Variants in CFAP20DC observed in about 807,000 individuals in gnomAD.
CFAP20DC encodes the protein CFAP20 domain containing, also known as protein CFAP20DC.
Under a neutral mutation model 101.7 loss-of-function variants are expected in CFAP20DC, and 84 were observed. The observed-to-expected ratio is 0.83, with a 90% CI of 0.69 to 0.99. CFAP20DC has a LOEUF of 0.99. Among genes scored for constraint, CFAP20DC ranks in the 50% least tolerant of loss-of-function variants. The pLI, the probability that CFAP20DC is intolerant of heterozygous loss-of-function variation, is 0.00. For synonymous variants in CFAP20DC, 359 were observed against 351.2 expected, an observed-to-expected ratio of 1.02 and a Z score of -0.25; for missense variants, 1,007 against 970.3, an observed-to-expected ratio of 1.04 and a Z score of -0.50.
rs1043913732 is a variant in CFAP20DC, at chr3:59,015,982, C to G, written c.278+23575G>C. Reference sequence around the variant, plus strand: ...GCTGGGACAAAATGCTGGGAAGAAGCCAGATCCTGGGTTCTGGCTACCTTG... The same window carrying G: ...GCTGGGACAAAATGCTGGGAAGAAGGCAGATCCTGGGTTCTGGCTACCTTG... On this transcript the variant is annotated intron_variant, in intron 4 of 16. Transcript: ENST00000482387. The surrounding 1 kb of genome is among the most constrained non-coding windows in gnomAD (Gnocchi z 5.4). Among the ~76,000 whole-genome samples, 4 of 152,064 alleles carry G rather than the reference C, an allele frequency of 2.6e-5. No individual in the cohort carries two copies. The highest frequency in any genetic ancestry group is 6.6e-5 in the Admixed American group (1 of 15,264).
chr3:58,867,978 G>T (rs2079835298), intron 9 of CFAP20DC, 42 bp from the exon 10 acceptor site: 2 of 1,547,376 alleles, frequency 1.3e-6, no homozygotes, highest in Admixed American at 4.1e-5. Flanking sequence ...AACAGAAAGT[G>T]CTATATGGCT....
chr3:58,815,139 G>A (rs1253750443), intron 14 of CFAP20DC, among the ~76,000 whole-genome samples: 3 of 150,484 alleles, frequency 2.0e-5, no homozygotes, highest in Non-Finnish European at 4.5e-5. Context: ...AAAACAGCAT[G>A]GTACTGGTAC....
chr3:58,952,393 G>A (rs1041748389), intron 4 of CFAP20DC, among the ~76,000 whole-genome samples: 11 of 152,242 alleles, frequency 7.2e-5, no homozygotes, highest in Non-Finnish European at 1.6e-4. Flanking sequence ...TCTCCACACT[G>A]TAGATGCCAC....
intron 14 of CFAP20DC, among the ~76,000 whole-genome samples, chr3:58,809,764 G>A (rs2074445031): frequency 6.6e-6 from 1 of 152,096 alleles, no homozygotes; most frequent in South Asian, 2.1e-4. Flanking sequence ...GAATCCAGGA[G>A]CTGGTTTTTT....
In CFAP20DC at chr3:58,882,617, C is replaced by T. The variant is rs112444619; in HGVS notation, c.715+1928G>A. The stretch of plus-strand genomic sequence containing the variant: ...ATCTTCCATTCAGATTGAATTGTGA[C>T]CCAAAGTGTTTACAGTAGCTGTCTG... On this transcript the variant is annotated intron_variant, in intron 7 of 16. Coordinates refer to ENST00000482387, the MANE Select transcript of CFAP20DC (RefSeq NM_001394063.1). The surrounding 1 kb of genome is among the most constrained non-coding windows in gnomAD (Gnocchi z 4.2). Among the ~76,000 whole-genome samples, 1 of 152,070 alleles carries T rather than the reference C, an allele frequency of 6.6e-6. No homozygotes were observed.
At chr3:58,888,723 G>A (rs1168030472) in intron 6 of CFAP20DC, among the ~76,000 whole-genome samples, 1 of 152,214 alleles carries the variant, frequency 6.6e-6, no homozygotes, top group Non-Finnish European at 1.5e-5. Context: ...CCCTGCAAAG[G>A]ACAAGATCTG....
chr3:58,901,391 T>A (rs137963092), intron 6 of CFAP20DC, among the ~76,000 whole-genome samples: 121 of 152,342 alleles, frequency 7.9e-4, no homozygotes, highest in African/African-American at 2.8e-3. Flanking sequence ...CACCACTTAT[T>A]AGCTGTGTGA....
At chr3:58,773,148 C>T (rs1193899377) in intron 15 of CFAP20DC, among the ~76,000 whole-genome samples, 11 of 151,458 alleles carry the variant, frequency 7.3e-5, no homozygotes, top group Non-Finnish European at 1.6e-4. Flanking sequence ...GCTTATGAAA[C>T]ATAGGTGTTA....
intron 15 of CFAP20DC, among the ~76,000 whole-genome samples, chr3:58,797,988 A>G (rs1462439456): frequency 6.6e-6 from 1 of 152,192 alleles, no homozygotes; most frequent in Non-Finnish European, 1.5e-5. Flanking sequence ...ACTCCTTTCA[A>G]AAGATTACTG....
intron 14 of CFAP20DC, among the ~76,000 whole-genome samples, chr3:58,814,368 G>C (rs2074941915): frequency 6.6e-6 from 1 of 151,542 alleles, no homozygotes; most frequent in Non-Finnish European, 1.5e-5. Flanking sequence ...AAAATAATAA[G>C]AGCTATCTAT....
chr3:58,770,260 C>T (rs527451805), intron 15 of CFAP20DC, among the ~76,000 whole-genome samples: 1 of 152,292 alleles, frequency 6.6e-6, no homozygotes, highest in Admixed American at 6.5e-5. Flanking sequence ...TGACCCTTTC[C>T]TTTCCTTCTA....
chr3:58,742,634 G>C, intron 16 of CFAP20DC, 62 bp from the exon 17 acceptor site: 4 of 1,232,992 alleles, frequency 3.2e-6, no homozygotes, highest in Non-Finnish European at 4.6e-6. Context: ...CCCCAAACAA[G>C]GGCAACGAAG....
At chr3:58,806,861 A>G (rs2074110939) in intron 14 of CFAP20DC, among the ~76,000 whole-genome samples, 1 of 152,188 alleles carries the variant, frequency 6.6e-6, no homozygotes. Context: ...GGTCACTCCC[A>G]CCCTAATACT....
At chr3:58,890,718 G>T (rs1382415703) in intron 6 of CFAP20DC, among the ~76,000 whole-genome samples, 7 of 148,256 alleles carry the variant, frequency 4.7e-5, no homozygotes, top group Admixed American at 4.0e-4. Context: ...CGGGGCGGCC[G>T]GGCAGAGACG....
chr3:59,036,024 C>T (rs892326770), intron 4 of CFAP20DC, among the ~76,000 whole-genome samples: 2 of 152,224 alleles, frequency 1.3e-5, no homozygotes, highest in African/African-American at 2.4e-5. Context: ...CATAATCCAT[C>T]ACATAAACAG....
Position 58,913,871 on chromosome 3 carries a change from T to G in CFAP20DC, c.394-7A>C. The G allele has an allele frequency of 6.2e-7, 1 of 1,613,160 alleles. No individual in the cohort carries two copies. The highest frequency in any genetic ancestry group is 8.5e-7 in the Non-Finnish European group (1 of 1,179,564). On this transcript the variant is annotated splice_polypyrimidine_tract_variant and splice_region_variant and intron_variant, in intron 5 of 16. Transcript: ENST00000482387. The surrounding 1 kb of genome is among the most constrained non-coding windows in gnomAD (Gnocchi z 4.4). The stretch of plus-strand genomic sequence containing the variant: ...CAATGCATAGATTGCACCACTAAAA[T>G]AGAGAGATGCAAAGAAGAGTAAGGA...
intron 15 of CFAP20DC, among the ~76,000 whole-genome samples, chr3:58,758,029 T>C (rs1467677973): frequency 2.0e-5 from 3 of 152,144 alleles, no homozygotes; most frequent in Non-Finnish European, 1.5e-5. Flanking sequence ...GGCTGGAGTA[T>C]GCAGCATTGC....
intron 15 of CFAP20DC, among the ~76,000 whole-genome samples, chr3:58,762,896 C>T (rs10049054): frequency 0.01 from 1,592 of 152,300 alleles, 25 homozygotes; most frequent in African/African-American, 0.035. Flanking sequence ...AGAGTTTCTG[C>T]GGAGAAATCA....
intron 16 of CFAP20DC, among the ~76,000 whole-genome samples, chr3:58,745,943 T>C (rs986498832): frequency 1.3e-5 from 2 of 152,152 alleles, no homozygotes; most frequent in South Asian, 2.1e-4. Context: ...GAGGACTAAA[T>C]AACACTCAGC....
Sources: allele counts gnomAD v4.1 joint callset (sites outside exome capture counted in the v4.1 genomes callset), GRCh38; gene constraint gnomAD v4.1.1; non-coding constraint Gnocchi (gnomAD v3.1); transcripts MANE v1.5; gene names NCBI Gene and HGNC (gene_info 2026-07-23, HGNC 2026-07-21).